The following TAB2 variants were observed in gnomAD, a reference collection of about 807,000 sequenced individuals.
TAB2 encodes the protein TGF-beta activated kinase 1 (MAP3K7) binding protein 2, also known as TGF-beta-activated kinase 1 and MAP3K7-binding protein 2.
TAB2 carries 3 observed loss-of-function variants against 65.0 expected under a neutral mutation model. That is an observed-to-expected ratio of 0.05 (90% CI 0.02 to 0.12). TAB2 has a LOEUF of 0.12. TAB2 is among the 10% of genes least tolerant of loss of function. The probability of loss-of-function intolerance (pLI) is 1.00; values close to 1 mark genes in which losing one functional copy is unlikely to be tolerated. For synonymous variants in TAB2, 298 were observed against 285.1 expected, an observed-to-expected ratio of 1.05 and a Z score of -0.46; for missense variants, 623 against 840.3, an observed-to-expected ratio of 0.74 and a Z score of 3.20.
At chr6:149,314,102 G>T (rs575738621), upstream of TAB2, among the ~76,000 whole-genome samples, 3 of 152,162 alleles carry the variant, frequency 2.0e-5, no homozygotes, top group African/African-American at 7.2e-5. Flanking sequence ...AAATTTGTGA[G>T]ATATCAAATT....
At chr6:149,330,968 T>C (rs1226682892) in intron 1 of TAB2, among the ~76,000 whole-genome samples, 4 of 152,188 alleles carry the variant, frequency 2.6e-5, no homozygotes, top group Non-Finnish European at 5.9e-5. Flanking sequence ...TCTGTTCTGT[T>C]CCATTGATCT....
intron 3 of TAB2, among the ~76,000 whole-genome samples, chr6:149,393,495 A>C (rs1782064607): frequency 6.6e-6 from 1 of 152,226 alleles, no homozygotes; most frequent in Non-Finnish European, 1.5e-5. Flanking sequence ...CCATATGTGT[A>C]GCAACTGTGG....
chr6:149,276,226 G>C (rs966691144), intron 1 of TAB2, among the ~76,000 whole-genome samples: 4 of 152,070 alleles, frequency 2.6e-5, no homozygotes, highest in African/African-American at 9.7e-5. Flanking sequence ...AAGCCTCAAA[G>C]AAATGAATAT....
chr6:149,330,576 A>T (rs547616969), intron 1 of TAB2, among the ~76,000 whole-genome samples: 4 of 152,194 alleles, frequency 2.6e-5, no homozygotes, highest in Non-Finnish European at 5.9e-5. Flanking sequence ...CTGTCTACAT[A>T]TCCTTTGTGG....
At chr6:149,330,199 A>G in intron 1 of TAB2, among the ~76,000 whole-genome samples, 1 of 152,148 alleles carries the variant, frequency 6.6e-6, no homozygotes, top group African/African-American at 2.4e-5. Flanking sequence ...TTGTATGGAT[A>G]TACCACAATT....
At chr6:149,334,551 C>T (rs1413067960) in intron 1 of TAB2, among the ~76,000 whole-genome samples, 1 of 152,028 alleles carries the variant, frequency 6.6e-6, no homozygotes. Context: ...GTAAAGTGCA[C>T]CTGTAGTCCT....
chr6:149,357,979 G>A (rs1460032808), intron 1 of TAB2, among the ~76,000 whole-genome samples: 2 of 152,156 alleles, frequency 1.3e-5, no homozygotes, highest in Admixed American at 1.3e-4. Context: ...AGGATTACAG[G>A]CGTGAGCCAT....
At chr6:149,280,738 T>G (rs959295613) in intron 1 of TAB2, among the ~76,000 whole-genome samples, 1 of 151,930 alleles carries the variant, frequency 6.6e-6, no homozygotes, top group Non-Finnish European at 1.5e-5. Context: ...CCCAGGAGTT[T>G]GAGACCACCT....
chr6:149,403,283 TACAC>T lies in TAB2; in HGVS notation c.1939+4109_1939+4112del, dbSNP rs1165709961. Among the ~76,000 whole-genome samples the T allele has an allele frequency of 4.5e-3, 111 of 24,462 alleles. 1 individual carries two copies. Among genetic ancestry groups the T allele is most frequent in the African/African-American group, 0.021 (106 of 5,110 alleles). 16.0% of individuals were successfully genotyped at this position (24,462 alleles called of 152,430 possible). A position where few individuals can be genotyped will look rare whatever the true frequency, so the allele number is the denominator to read the frequency against. ...ATATATATATATATATATATATATA[TACAC>T]ACACACACATATATATATATATATA... On this transcript the variant is annotated intron_variant, in intron 6 of 6. Transcript: ENST00000637181.
chr6:149,365,241 T>C (rs1384239732), intron 1 of TAB2, among the ~76,000 whole-genome samples: 1 of 152,178 alleles, frequency 6.6e-6, no homozygotes, highest in Non-Finnish European at 1.5e-5. Context: ...TTTTACAGAG[T>C]AAATTTATAA....
At chr6:149,279,214 T>G (rs1358523950) in intron 1 of TAB2, among the ~76,000 whole-genome samples, 1 of 152,208 alleles carries the variant, frequency 6.6e-6, no homozygotes, top group Non-Finnish European at 1.5e-5. Flanking sequence ...CTGACCATTC[T>G]GTGTCATTTG....
intron 1 of TAB2, among the ~76,000 whole-genome samples, chr6:149,248,577 C>T (rs530417747): frequency 6.6e-6 from 1 of 151,694 alleles, no homozygotes; most frequent in South Asian, 2.1e-4. Flanking sequence ...CCCCACTGGC[C>T]AGCACACTCT....
intron 6 of TAB2, among the ~76,000 whole-genome samples, chr6:149,404,239 T>G (rs368285544): frequency 4.7e-4 from 71 of 151,738 alleles, no homozygotes; most frequent in African/African-American, 1.6e-3. Context: ...AGAAGAAGAG[T>G]GCTTAGGAAT....
chr6:149,327,688 G>A (rs1304318134), intron 1 of TAB2, among the ~76,000 whole-genome samples: 1 of 152,146 alleles, frequency 6.6e-6, no homozygotes, highest in African/African-American at 2.4e-5. Flanking sequence ...GTGACTTACT[G>A]TTTACCCCAT....
chr6:149,310,511 T>A lies in TAB2; in HGVS notation c.-120-67507T>A, dbSNP rs534901429. ...TATTTTTCTTAAATTTATTTCTGAG[T>A]AGTTTGTCTAATTTGTTTTCTCAAC... On this transcript the variant is annotated intron_variant, in intron 1 of 1. Coordinates refer to the TAB2 transcript ENST00000606202. Among the ~76,000 whole-genome samples, 4 of 152,254 alleles carry A rather than the reference T, an allele frequency of 2.6e-5. No individual in the cohort carries two copies. In the East Asian group the frequency reaches 7.7e-4, roughly 29 times the overall value.
intron 1 of TAB2, among the ~76,000 whole-genome samples, chr6:149,337,959 G>A (rs551430370): frequency 9.8e-5 from 15 of 152,290 alleles, no homozygotes; most frequent in African/African-American, 3.6e-4. Flanking sequence ...AGTCAGGTAA[G>A]AGAGAGTATC....
intron 3 of TAB2, among the ~76,000 whole-genome samples, chr6:149,383,318 A>G (rs541518318): frequency 3.0e-4 from 45 of 152,324 alleles, no homozygotes; most frequent in Admixed American, 7.8e-4. Context: ...AAGCCTACCA[A>G]GAAAGCAGGT....
At chr6:149,357,455 A>ACACT (rs1780702280) in intron 1 of TAB2, among the ~76,000 whole-genome samples, 1 of 149,334 alleles carries the variant, frequency 6.7e-6, no homozygotes, top group African/African-American at 2.5e-5. Context: ...ACACACACAC[A>ACACT]CACACACACA....
intron 6 of TAB2, among the ~76,000 whole-genome samples, chr6:149,402,461 A>G (rs985805781): frequency 2.0e-5 from 3 of 152,212 alleles, no homozygotes; most frequent in African/African-American, 7.2e-5. Context: ...TCTCCCAACA[A>G]ATATCCAGCA....
Sources: allele counts gnomAD v4.1 joint callset (sites outside exome capture counted in the v4.1 genomes callset), GRCh38; gene constraint gnomAD v4.1.1; transcripts MANE v1.5; gene names NCBI Gene and HGNC (gene_info 2026-07-23, HGNC 2026-07-21).